Variants in CENPW observed in about 807,000 individuals in gnomAD.
CENPW encodes the protein centromere protein W, also known as cancer-up-regulated gene 2 protein.
Under a neutral mutation model 11.1 loss-of-function variants are expected in CENPW, and 3 were observed. The observed-to-expected ratio is 0.27, with a 90% CI of 0.12 to 0.70. CENPW has a LOEUF of 0.70. CENPW is among the 30% of genes least tolerant of loss of function. The pLI is 0.77. For missense variants in CENPW, 100 were observed against 105.6 expected (o/e 0.95, Z 0.23); for synonymous variants, 38 against 42.0 (o/e 0.91, Z 0.37).
At chr6:126,483,061 G>C in the CENPW span, among the ~76,000 whole-genome samples, 150 of 151,884 alleles carry the variant, frequency 9.9e-4, 1 homozygote, top group Non-Finnish European at 1.8e-3. Context: ...CTATATATGT[G>C]ATCCTAGGTA....
chr6:126,417,786 C>A, the CENPW span, among the ~76,000 whole-genome samples: 2 of 152,120 alleles, frequency 1.3e-5, no homozygotes, highest in Non-Finnish European at 2.9e-5. Context: ...TGGACTAATA[C>A]ATTTGGTAAT....
At chr6:126,390,080 G>T in the CENPW span, among the ~76,000 whole-genome samples, 3 of 151,864 alleles carry the variant, frequency 2.0e-5, no homozygotes, top group African/African-American at 7.2e-5. Context: ...AAAGAATGCT[G>T]GGTTTCAATC....
At chr6:126,382,981 T>G in the CENPW span, among the ~76,000 whole-genome samples, 2 of 152,088 alleles carry the variant, frequency 1.3e-5, no homozygotes, top group Non-Finnish European at 2.9e-5. Context: ...AGACACATAA[T>G]CTTCAGAATC....
chr6:126,412,361 A>G, the CENPW span, among the ~76,000 whole-genome samples: 1 of 151,726 alleles, frequency 6.6e-6, no homozygotes, highest in South Asian at 2.1e-4. Flanking sequence ...TCTCCCAGCA[A>G]CTTAAATATG....
At chr6:126,353,716 A>G (rs1780518276), downstream of CENPW, among the ~76,000 whole-genome samples, 1 of 151,756 alleles carries the variant, frequency 6.6e-6, no homozygotes, top group African/African-American at 2.4e-5. Context: ...CTAATTATGT[A>G]TTATTCTTAG....
At chr6:126,424,711 A>G in the CENPW span, among the ~76,000 whole-genome samples, 1 of 152,110 alleles carries the variant, frequency 6.6e-6, no homozygotes, top group Non-Finnish European at 1.5e-5. Flanking sequence ...TTGGATGGCC[A>G]TGGGTTGGAT....
intron 1 of CENPW, among the ~76,000 whole-genome samples, chr6:126,345,885 A>G (rs1260927676): frequency 6.6e-6 from 1 of 152,204 alleles, no homozygotes; most frequent in Non-Finnish European, 1.5e-5. Flanking sequence ...ATTTAAATCC[A>G]TTTGGAATCA....
the CENPW span, among the ~76,000 whole-genome samples, chr6:126,417,606 A>G: frequency 6.6e-6 from 1 of 152,050 alleles, no homozygotes; most frequent in African/African-American, 2.4e-5. Flanking sequence ...GTCTCATGAG[A>G]TCTGATGGCT....
chr6:126,433,257 A>G, the CENPW span, among the ~76,000 whole-genome samples: 9 of 152,170 alleles, frequency 5.9e-5, no homozygotes, highest in East Asian at 1.2e-3. Context: ...AGGTATTTCT[A>G]TGTTTAATTC....
chr6:126,451,418 G>A, the CENPW span, among the ~76,000 whole-genome samples: 2 of 151,016 alleles, frequency 1.3e-5, no homozygotes, highest in Non-Finnish European at 3.0e-5. Flanking sequence ...CTGAAACCTG[G>A]ATTTGGGCAT....
the CENPW span, among the ~76,000 whole-genome samples, chr6:126,479,757 C>T: frequency 6.6e-6 from 1 of 151,794 alleles, no homozygotes; most frequent in African/African-American, 2.4e-5. Context: ...TATGAGAACA[C>T]TATAATTTTA....
chr6:126,433,279 C>T, the CENPW span, among the ~76,000 whole-genome samples: 1 of 152,230 alleles, frequency 6.6e-6, no homozygotes, highest in Admixed American at 6.5e-5. Context: ...GTCTTTCCCT[C>T]ATTTTACTAT....
chr6:126,390,478 T>C, the CENPW span, among the ~76,000 whole-genome samples: 3 of 151,820 alleles, frequency 2.0e-5, no homozygotes, highest in Non-Finnish European at 4.4e-5. Context: ...CTAATTACAC[T>C]CTTTTAGTTA....
At chr6:126,424,760 G>A in the CENPW span, among the ~76,000 whole-genome samples, 1 of 152,066 alleles carries the variant, frequency 6.6e-6, no homozygotes. Flanking sequence ...GACTCTGAAA[G>A]TTATGCATTT....
chr6:126,475,423 A>G, the CENPW span, among the ~76,000 whole-genome samples: 1 of 152,088 alleles, frequency 6.6e-6, no homozygotes, highest in African/African-American at 2.4e-5. Flanking sequence ...AAAATTTTTA[A>G]ATAAAAAATT....
At chr6:126,445,344 C>A in the CENPW span, among the ~76,000 whole-genome samples, 1 of 151,036 alleles carries the variant, frequency 6.6e-6, no homozygotes, top group Admixed American at 6.6e-5. Flanking sequence ...TTTGTTTTGT[C>A]ATTCTAGCTT....
chr6:126,351,037 CT>C (rs570632140), downstream of CENPW, among the ~76,000 whole-genome samples: 104 of 138,866 alleles, frequency 7.5e-4, no homozygotes, highest in Non-Finnish European at 7.1e-4. Flanking sequence ...GAGGTAATGT[CT>C]TTTTTTTTTT....
At chr6:126,430,734 G>A in the CENPW span, among the ~76,000 whole-genome samples, 2 of 151,998 alleles carry the variant, frequency 1.3e-5, no homozygotes, top group South Asian at 2.1e-4. Context: ...GGCAGATCAC[G>A]AGGTCAGGAG....
the CENPW span, among the ~76,000 whole-genome samples, chr6:126,362,066 G>A: frequency 1.3e-5 from 2 of 152,148 alleles, no homozygotes; most frequent in African/African-American, 4.8e-5. Flanking sequence ...CACTTCTATG[G>A]AGTGGGTCGA....
Sources: gnomAD v4.1 joint callset for allele counts (sites outside exome capture counted in the v4.1 genomes callset) on GRCh38, gnomAD v4.1.1 for gene constraint, MANE v1.5 for transcripts, NCBI Gene and HGNC (gene_info 2026-07-23, HGNC 2026-07-21) for gene names.